The following GLIS3 variants were observed in gnomAD, a reference collection of about 807,000 sequenced individuals.
The protein encoded by GLIS3 is zinc finger protein GLIS3.
A neutral mutation model predicts 78.6 loss-of-function variants in GLIS3; 53 were observed. That is an observed-to-expected ratio of 0.67 (90% CI 0.54 to 0.85). GLIS3 has a LOEUF of 0.85. GLIS3 is among the 40% of genes least tolerant of loss of function. GLIS3 has a pLI of 0.00. For missense variants in GLIS3, 1,703 were observed against 1,231.1 expected (o/e 1.38, Z -5.74); for synonymous variants, 684 against 509.9 (o/e 1.34, Z -4.60).
At chr9:4,342,862 G>A (rs1027737697) in intron 2 of GLIS3, among the ~76,000 whole-genome samples, 1 of 152,182 alleles carries the variant, frequency 6.6e-6, no homozygotes, top group African/African-American at 2.4e-5. Context: ...TGGCTATTGT[G>A]AATGGGATTG....
intron 4 of GLIS3, chr9:4,071,052 G>T (rs1455444335): frequency 6.6e-6 from 1 of 152,008 alleles, no homozygotes; most frequent in Non-Finnish European, 1.5e-5. Context: ...CCAATGTTAT[G>T]CAAAAAGATC....
chr9:4,373,640 G>A, the GLIS3 span, among the ~76,000 whole-genome samples: 1 of 150,304 alleles, frequency 6.7e-6, no homozygotes. Context: ...ATGAGTTTTT[G>A]TTATCTAGGG....
At chr9:4,351,472 T>C (rs1307766438), upstream of GLIS3, among the ~76,000 whole-genome samples, 1 of 151,614 alleles carries the variant, frequency 6.6e-6, no homozygotes, top group Admixed American at 6.6e-5. Flanking sequence ...CTTGAGTTCA[T>C]TACAAAAGTT....
At chr9:4,153,078 A>G (rs945941058) in intron 2 of GLIS3, among the ~76,000 whole-genome samples, 8 of 152,196 alleles carry the variant, frequency 5.3e-5, no homozygotes, top group Non-Finnish European at 1.0e-4. Flanking sequence ...AGATGCCAGT[A>G]GCACCCCTCG....
intron 2 of GLIS3, among the ~76,000 whole-genome samples, chr9:4,195,514 C>T (rs943072217): frequency 1.3e-5 from 2 of 152,226 alleles, no homozygotes; most frequent in African/African-American, 2.4e-5. Context: ...GAATTCTCGC[C>T]GGGCCTCAGC....
chr9:4,070,371 G>C (rs1373870479), intron 4 of GLIS3, among the ~76,000 whole-genome samples: 1 of 152,142 alleles, frequency 6.6e-6, no homozygotes, highest in African/African-American at 2.4e-5. Context: ...GGGAAGTTTT[G>C]TTTGTTAAAG....
chr9:4,105,932 TG>T (rs780510002), intron 4 of GLIS3, among the ~76,000 whole-genome samples: 1 of 152,100 alleles, frequency 6.6e-6, no homozygotes, highest in African/African-American at 2.4e-5. Context: ...ACTAGGCTGC[TG>T]GGGGAAATAC....
At chr9:4,439,121 G>A in the GLIS3 span, among the ~76,000 whole-genome samples, 1 of 151,990 alleles carries the variant, frequency 6.6e-6, no homozygotes, top group Non-Finnish European at 1.5e-5. Context: ...CTCTCTCTGT[G>A]CTGCATGCTG....
upstream of GLIS3, among the ~76,000 whole-genome samples, chr9:4,302,607 TCTC>T (rs1255057799): frequency 2.0e-5 from 3 of 152,212 alleles, no homozygotes. Context: ...CTATGAATAA[TCTC>T]CTACTTAGAA....
At chr9:4,486,358 G>A in the GLIS3 span, among the ~76,000 whole-genome samples, 2 of 152,252 alleles carry the variant, frequency 1.3e-5, no homozygotes, top group East Asian at 1.9e-4. Context: ...GACCAAGAAT[G>A]TAACCACACC....
Position 4,257,184 on chromosome 9 carries a change from T to C in GLIS3, c.388+28854A>G, listed in dbSNP as rs184200115. On this transcript the variant is annotated intron_variant, in intron 2 of 10. Coordinates refer to ENST00000381971, the MANE Select transcript of GLIS3 (RefSeq NM_001042413.2). ...CCTTTAAAAGAAAGGGATACTGCCA[T>C]TTATGACAATATGGATGAACCTAGA... 5.9e-4 allele frequency among the ~76,000 whole-genome samples: 90 copies of C among 152,296 alleles called. 1 individual carries two copies. The highest frequency in any genetic ancestry group is 2.1e-3 in the African/African-American group (89 of 41,568).
At chr9:4,487,467 G>A in the GLIS3 span, among the ~76,000 whole-genome samples, 1 of 151,848 alleles carries the variant, frequency 6.6e-6, no homozygotes, top group South Asian at 2.1e-4. Context: ...TTTAAGCCAG[G>A]TGCCCAAGGT....
rs79696924 is a variant in GLIS3, at chr9:3,992,168, C to A, written c.1711-54979G>T. ...CACAACAAATGATGTTAGAATGTAA[C>A]ATTTGGAGGACAAGGAGTAGTGGCA... On this transcript the variant is annotated intron_variant, in intron 4 of 10. Coordinates refer to ENST00000381971, the MANE Select transcript of GLIS3 (RefSeq NM_001042413.2). 9.0e-3 allele frequency among the ~76,000 whole-genome samples: 1,377 copies of A among 152,260 alleles called. 26 individuals carry two copies. Among genetic ancestry groups the A allele is most frequent in the African/African-American group, 0.031 (1,290 of 41,530 alleles).
At chr9:4,202,719 A>T (rs1327566208) in intron 2 of GLIS3, among the ~76,000 whole-genome samples, 1 of 152,196 alleles carries the variant, frequency 6.6e-6, no homozygotes, top group Non-Finnish European at 1.5e-5. Flanking sequence ...GCAATGGGGA[A>T]AGGAATCCCT....
At chr9:4,450,007 G>A in the GLIS3 span, among the ~76,000 whole-genome samples, 2 of 152,152 alleles carry the variant, frequency 1.3e-5, no homozygotes, top group African/African-American at 4.8e-5. Context: ...TTGATTAGCT[G>A]ACAGAAGTAT....
chr9:4,327,759 T>C (rs1817623673), intron 2 of GLIS3, among the ~76,000 whole-genome samples: 1 of 152,188 alleles, frequency 6.6e-6, no homozygotes, highest in Non-Finnish European at 1.5e-5. Flanking sequence ...CTGTGTGGCA[T>C]GAGCAGTAGC....
intron 4 of GLIS3, among the ~76,000 whole-genome samples, chr9:3,953,810 T>C (rs1371859919): frequency 1.5e-5 from 2 of 133,740 alleles, no homozygotes; most frequent in Admixed American, 7.6e-5. Flanking sequence ...TATATATATA[T>C]ATATATATAT....
chr9:4,250,710 T>C (rs992182032), intron 2 of GLIS3, among the ~76,000 whole-genome samples: 14 of 152,230 alleles, frequency 9.2e-5, no homozygotes, highest in African/African-American at 3.1e-4. Flanking sequence ...TGTTAGGGTG[T>C]CAATTTTAAA....
At chr9:4,487,802 C>G in the GLIS3 span, among the ~76,000 whole-genome samples, 1 of 152,070 alleles carries the variant, frequency 6.6e-6, no homozygotes, top group Non-Finnish European at 1.5e-5. Context: ...ATCCTCTTGC[C>G]TCAGCCTCCC....
Sources: gnomAD v4.1 joint callset for allele counts (sites outside exome capture counted in the v4.1 genomes callset) on GRCh38, gnomAD v4.1.1 for gene constraint, MANE v1.5 for transcripts, NCBI Gene and HGNC (gene_info 2026-07-23, HGNC 2026-07-21) for gene names.